The following UBASH3A variants were observed in gnomAD, a reference collection of about 807,000 sequenced individuals.
UBASH3A encodes ubiquitin associated and SH3 domain containing A.
UBASH3A carries 63 observed loss-of-function variants against 73.5 expected under a neutral mutation model. That is an observed-to-expected ratio of 0.86 (90% CI 0.70 to 1.06). The LOEUF (loss-of-function observed/expected upper bound fraction) is 1.06. Among genes scored for constraint, UBASH3A ranks in the 50% least tolerant of loss-of-function variants. UBASH3A has a pLI of 0.00. For missense variants in UBASH3A, 860 were observed against 859.0 expected (o/e 1.00, Z -0.02); for synonymous variants, 363 against 351.1 (o/e 1.03, Z -0.38).
In UBASH3A at chr21:42,445,472, G is replaced by C. The variant is rs931149815; in HGVS notation, c.1848+829G>C. Among the ~76,000 whole-genome samples, 24 of 152,344 alleles carry C rather than the reference G, an allele frequency of 1.6e-4. 3 individuals are homozygous for C. The highest frequency in any genetic ancestry group is 4.8e-4 in the African/African-American group (20 of 41,582). ...GGCCACAGCTTGTTTGCCATAAGTTGTGGGCAGCAGTGGGGGTTGCTGAGT... is the reference window on the plus strand; with the variant it reads ...GGCCACAGCTTGTTTGCCATAAGTTCTGGGCAGCAGTGGGGGTTGCTGAGT... On this transcript the variant is annotated intron_variant, in intron 14 of 14. Transcript: ENST00000319294.
chr21:42,443,947 G>C (rs1568943068), intron 13 of UBASH3A, among the ~76,000 whole-genome samples: 1 of 152,208 alleles, frequency 6.6e-6, no homozygotes, highest in Non-Finnish European at 1.5e-5. Context: ...GACAGAGAGA[G>C]AAAGAACAAC....
intron 1 of UBASH3A, 96 bp downstream of exon 1, chr21:42,404,154 G>A (rs1407577778): frequency 2.1e-5 from 13 of 610,754 alleles, no homozygotes; most frequent in African/African-American, 9.5e-5. Context: ...TGTAGGGTAC[G>A]GCTTCCTGCC....
At position 42,447,112 on chromosome 21, in the gene UBASH3A, A is replaced by T; in HGVS notation, c.1904A>T (p.Glu635Val). The change falls in exon 15 of 15, where the codon GAG (glutamate) becomes GTG (valine). Residue 635 changes from glutamate (E) to valine (V), a missense_variant. Glu to Val is a moderately radical substitution (Grantham distance 121). Coordinates refer to ENST00000319294, the MANE Select transcript of UBASH3A (RefSeq NM_018961.4). ...GAAAATAAAGAGGAAGGAAAATGGG[A>T]GTTGGTGAACCCACCGGTGAAGACC... is the stretch of plus-strand genomic sequence containing the variant. ...CEENKEEGKW[E>V]LVNPPVKTLT... 1 of 1,614,072 alleles carries T rather than the reference A, an allele frequency of 6.2e-7. No individual in the cohort carries two copies. Among genetic ancestry groups the T allele is most frequent in the Non-Finnish European group, 8.5e-7 (1 of 1,179,984 alleles).
intron 6 of UBASH3A, among the ~76,000 whole-genome samples, chr21:42,417,115 G>A (rs2053227265): frequency 6.6e-6 from 1 of 151,954 alleles, no homozygotes; most frequent in Admixed American, 6.5e-5. Context: ...CAACAAAATA[G>A]AAGCATTTCC....
chr21:42,416,279 C>A (rs2053204638), intron 5 of UBASH3A, among the ~76,000 whole-genome samples, 163 bp from the exon 6 acceptor site: 1 of 152,092 alleles, frequency 6.6e-6, no homozygotes, highest in African/African-American at 2.4e-5. Context: ...CTGGAAAAAT[C>A]TACAGGGATC....
intron 8 of UBASH3A, among the ~76,000 whole-genome samples, chr21:42,427,515 T>C (rs1421084900): frequency 1.3e-5 from 2 of 152,208 alleles, no homozygotes; most frequent in African/African-American, 4.8e-5. Flanking sequence ...CACGTTACTT[T>C]AGGATCTCTC....
intron 8 of UBASH3A, among the ~76,000 whole-genome samples, chr21:42,430,291 A>G (rs1473590726): frequency 6.6e-6 from 1 of 152,220 alleles, no homozygotes; most frequent in Non-Finnish European, 1.5e-5. Context: ...TGCACTGGCC[A>G]GGTGGAAAAT....
chr21:42,412,842 C>A (rs930724379), intron 3 of UBASH3A, among the ~76,000 whole-genome samples, 182 bp from the exon 4 acceptor site: 1 of 152,196 alleles, frequency 6.6e-6, no homozygotes, highest in African/African-American at 2.4e-5. Flanking sequence ...TTTGAAAAAA[C>A]CGAGGTCCAG....
intron 3 of UBASH3A, among the ~76,000 whole-genome samples, chr21:42,411,287 GCAAA>G (rs1308054119): frequency 9.3e-5 from 14 of 150,572 alleles, no homozygotes; most frequent in Non-Finnish European, 1.8e-4. Context: ...AGGTACACAT[GCAAA>G]CAGATACACA....
intron 7 of UBASH3A, among the ~76,000 whole-genome samples, chr21:42,425,196 T>C (rs1851322018): frequency 6.6e-6 from 1 of 152,224 alleles, no homozygotes; most frequent in South Asian, 2.1e-4. Context: ...GTCAAGAGGC[T>C]CTCTTAAGTC....
At chr21:42,410,071 G>A (rs777636310) in intron 3 of UBASH3A, 64 of 702,076 alleles carry the variant, frequency 9.1e-5, no homozygotes, top group Non-Finnish European at 1.5e-4. Flanking sequence ...TCAAGGATGG[G>A]TGATTGTTGG....
chr21:42,414,958 C>T (rs1274181956), intron 5 of UBASH3A, among the ~76,000 whole-genome samples: 2 of 152,204 alleles, frequency 1.3e-5, no homozygotes, highest in South Asian at 4.1e-4. Flanking sequence ...GCGTTGACCT[C>T]ACATCTACGC....
chr21:42,430,259 A>C (rs2053505341), intron 8 of UBASH3A, among the ~76,000 whole-genome samples: 1 of 152,220 alleles, frequency 6.6e-6, no homozygotes, highest in Admixed American at 6.5e-5. Context: ...CACAGAAGAA[A>C]GTCCAGACAG....
chr21:42,430,120 C>A (rs2053503436), intron 8 of UBASH3A, among the ~76,000 whole-genome samples: 2 of 152,142 alleles, frequency 1.3e-5, no homozygotes, highest in South Asian at 4.2e-4. Flanking sequence ...GGCCCCCACC[C>A]TACTTTCTGG....
chr21:42,439,680 C>CCA (rs1383841785), intron 11 of UBASH3A, among the ~76,000 whole-genome samples: 1 of 145,828 alleles, frequency 6.9e-6, no homozygotes, highest in Admixed American at 6.8e-5. Flanking sequence ...ACACCACACG[C>CCA]CACACACACA....
chr21:42,407,928 G>A (rs765769095), intron 2 of UBASH3A, among the ~76,000 whole-genome samples: 3 of 152,208 alleles, frequency 2.0e-5, no homozygotes, highest in Admixed American at 6.5e-5. Context: ...TAACAAATTC[G>A]CGCTGACAAA....
chr21:42,441,125 A>G (rs1466143125), intron 11 of UBASH3A, among the ~76,000 whole-genome samples: 1 of 152,160 alleles, frequency 6.6e-6, no homozygotes, highest in Non-Finnish European at 1.5e-5. Flanking sequence ...TCCTCTGTTA[A>G]TTCAGAAAAA....
intron 8 of UBASH3A, among the ~76,000 whole-genome samples, chr21:42,429,763 G>C (rs2053497363): frequency 6.6e-6 from 1 of 152,124 alleles, no homozygotes; most frequent in Non-Finnish European, 1.5e-5. Flanking sequence ...TGTTCCCCAG[G>C]AGATGCATGT....
At position 42,443,317 on chromosome 21, in the gene UBASH3A, CG is replaced by C; in HGVS notation, c.1638del (p.Leu549CysfsTer36). On this transcript the variant is annotated frameshift_variant, in exon 13 of 15. Coordinates refer to ENST00000319294, the MANE Select transcript of UBASH3A (RefSeq NM_018961.4). LOFTEE classifies it high-confidence loss of function. ...TCTCCTTCTCATCCTTCCAGGCCCG[CG>C]TTTCCCCTGTCCGCCCTCATGCCGG... is the stretch of plus-strand genomic sequence containing the variant. ...NFNIDTDYRP[A>X]FPLSALMPAE... The C allele has an allele frequency of 6.2e-7, 1 of 1,612,678 alleles. No homozygotes were observed.
Sources: allele counts gnomAD v4.1 joint callset (sites outside exome capture counted in the v4.1 genomes callset), GRCh38; gene constraint gnomAD v4.1.1; transcripts MANE v1.5; gene names NCBI Gene and HGNC (gene_info 2026-07-23, HGNC 2026-07-21).